Variants in MYO15B observed in about 807,000 individuals in gnomAD.
MYO15B encodes the protein myosin XVB pseudogene.
Under a neutral mutation model 119.3 loss-of-function variants are expected in MYO15B, and 207 were observed. That is an observed-to-expected ratio of 1.73 (90% CI 1.55 to 1.95). The LOEUF is 1.95. MYO15B is among the 30% of genes most tolerant of loss of function. The pLI is 0.00. For missense variants in MYO15B, 2,264 were observed against 1,203.1 expected (o/e 1.88, Z -13.04); for synonymous variants, 966 against 498.9 (o/e 1.94, Z -12.48).
At chr17:75,602,859 G>T in exon 17 of MYO15B, 2 of 651,682 alleles carry the variant, frequency 3.1e-6, no homozygotes, top group Non-Finnish European at 5.5e-6. Context: ...AGGAGGCAGA[G>T]CCCCAGTCCA....
chr17:75,614,192 C>T lies in MYO15B; in HGVS notation c.5220-7C>T, dbSNP rs762575832. On this transcript the variant is annotated splice_polypyrimidine_tract_variant and splice_region_variant and intron_variant, in intron 29 of 63. Transcript: ENST00000645453. ...CCTGCCTCACTGACTGGTCCCCTCC[C>T]ACCCAGAGGCCTGGAGGCGCCTCCC... 1.0e-5 allele frequency: 7 copies of T among 702,236 alleles called. No individual in the cohort carries two copies. Among genetic ancestry groups the T allele is most frequent in the Middle Eastern group, 2.3e-4 (1 of 4,300 alleles). 43.5% of individuals were successfully genotyped at this position (702,236 alleles called of 1,614,324 possible).
chr17:75,621,077 C>T, exon 50 of MYO15B: 1 of 702,856 alleles, frequency 1.4e-6, no homozygotes, highest in African/African-American at 1.7e-5. Context: ...GACTCGGAGG[C>T]CACCAGCCTG....
At position 75,624,882 on chromosome 17, in the gene MYO15B, A is replaced by ATAAC. The variant is rs1333524559; in HGVS notation, c.8656_8659dup (p.Ser2887Ter). ...CACTGGGAGACCCCACTGCACTTCGATAACTCCACCTACATCAGCACCCAC... is the reference window on the plus strand; with the variant it reads ...CACTGGGAGACCCCACTGCACTTCGATAACTAACTCCACCTACATCAGCACCCAC... On this transcript the variant is annotated frameshift_variant, in exon 59 of 64. Coordinates refer to ENST00000645453, the Ensembl canonical transcript of MYO15B. LOFTEE classifies it high-confidence loss of function. 10 of 702,886 alleles carry ATAAC rather than the reference A, an allele frequency of 1.4e-5. No homozygotes were observed. Among genetic ancestry groups the ATAAC allele is most frequent in the African/African-American group, 1.0e-4 (6 of 57,264 alleles). 43.5% of individuals were successfully genotyped at this position (702,886 alleles called of 1,614,324 possible).
exon 1 of MYO15B, chr17:75,588,232 G>A (rs2056187113): frequency 5.0e-6 from 2 of 398,172 alleles, no homozygotes; most frequent in East Asian, 3.6e-5. Context: ...CACCGCCGGG[G>A]GCCAGGGAAC....
At chr17:75,607,427 AATTAATT>A (rs1412942946) in intron 21 of MYO15B, among the ~76,000 whole-genome samples, 108 of 112,158 alleles carry the variant, frequency 9.6e-4, no homozygotes, top group African/African-American at 3.1e-3. Flanking sequence ...GAGGGTTAAT[AATTAATT>A]ATTATTATTA....
chr17:75,625,684 C>T (rs1483505658), intron 61 of MYO15B, 24 bp downstream of exon 61: 1 of 702,644 alleles, frequency 1.4e-6, no homozygotes, highest in Admixed American at 2.0e-5. Flanking sequence ...TAGGGGACCG[C>T]TGGGTGGGGG....
In MYO15B at chr17:75,615,692, G is replaced by A. The variant is rs1452279661; in HGVS notation, c.5839-1G>A. 7.4e-6 allele frequency: 5 copies of A among 677,796 alleles called. No individual in the cohort carries two copies. The highest frequency in any genetic ancestry group is 1.8e-5 in the African/African-American group (1 of 56,782). 42.0% of individuals were successfully genotyped at this position (677,796 alleles called of 1,614,324 possible). ...TGAACTGGCTGCTCCTCCTGCTTCA[G>A]GCCCAGCAGATGACAGCCCAGGCCA... On this transcript the variant is annotated splice_acceptor_variant, in intron 35 of 63. Transcript: ENST00000645453. LOFTEE classifies it high-confidence loss of function.
At position 75,624,196 on chromosome 17, in the gene MYO15B, A is replaced by AG. The variant is rs1306356736; in HGVS notation, c.8295dup (p.His2766AlafsTer19). The AG allele has an allele frequency of 2.8e-6, 2 of 702,974 alleles. No individual in the cohort carries two copies. Among genetic ancestry groups the AG allele is most frequent in the Admixed American group, 2.0e-5 (1 of 50,010 alleles). 43.5% of individuals were successfully genotyped at this position (702,974 alleles called of 1,614,324 possible). On this transcript the variant is annotated frameshift_variant, in exon 56 of 64. Transcript: ENST00000645453. LOFTEE classifies it high-confidence loss of function. ...GCAGAGCTGGCCCGGAGCAGCCAGGAGCACCTCCAGCGCACAGTCAAATAT... is the reference window on the plus strand; with the variant it reads ...GCAGAGCTGGCCCGGAGCAGCCAGGAGGCACCTCCAGCGCACAGTCAAATAT...
chr17:75,623,828 C>T (rs1378272114), exon 54 of MYO15B: 1 of 701,776 alleles, frequency 1.4e-6, no homozygotes, highest in Non-Finnish European at 2.6e-6. Context: ...GCCAGGTTAT[C>T]AAGCAGGTCA....
intron 14 of MYO15B, among the ~76,000 whole-genome samples, chr17:75,597,365 G>C (rs1185976729): frequency 6.6e-6 from 1 of 152,148 alleles, no homozygotes; most frequent in African/African-American, 2.4e-5. Flanking sequence ...TAGCAGCCTC[G>C]TCCCTGTTTC....
exon 51 of MYO15B, chr17:75,621,349 G>A (rs61744583): frequency 0.015 from 10,449 of 700,856 alleles, 610 homozygotes; most frequent in African/African-American, 0.14. Context: ...CCACAGGCTG[G>A]GCCAGACTGA....
At chr17:75,617,786 T>TC (rs1391713897) in intron 41 of MYO15B, 24 bp from the exon 42 acceptor site, 2 of 693,644 alleles carry the variant, frequency 2.9e-6, no homozygotes, top group Non-Finnish European at 2.6e-6. Context: ...TCACTGAGGC[T>TC]CCTCACCCCC....
Position 75,621,575 on chromosome 17 carries a change from G to A in MYO15B, c.8005+5G>A, listed in dbSNP as rs1239739124. The A allele has an allele frequency of 4.3e-6, 3 of 700,514 alleles. No homozygotes were observed. Among genetic ancestry groups the A allele is most frequent in the Admixed American group, 4.0e-5 (2 of 49,948 alleles). 43.4% of individuals were successfully genotyped at this position (700,514 alleles called of 1,614,324 possible). ...TGGCTGTAGCCAGCTTCCTGGGTGA[G>A]TGGCCACAGGCATCCTGGGTCCCCA... On this transcript the variant is annotated splice_donor_5th_base_variant and intron_variant, in intron 52 of 63. Transcript: ENST00000645453.
intron 14 of MYO15B, 97 bp from the exon 15 acceptor site, chr17:75,601,341 G>A (rs2057269712): frequency 1.6e-6 from 1 of 632,872 alleles, no homozygotes; most frequent in South Asian, 1.7e-5. Context: ...TACCCTTATA[G>A]TCAGTGTAGG....
chr17:75,598,422 C>T (rs2057014223), intron 14 of MYO15B, among the ~76,000 whole-genome samples: 1 of 148,572 alleles, frequency 6.7e-6, no homozygotes, highest in African/African-American at 2.5e-5. Flanking sequence ...ACTAAAAATA[C>T]AAAAAATTAG....
chr17:75,623,053 C>A lies in MYO15B; in HGVS notation c.8083-728C>A, dbSNP rs538392924. On this transcript the variant is annotated intron_variant, in intron 53 of 63. Coordinates refer to ENST00000645453, the Ensembl canonical transcript of MYO15B. ...AGTAAGAGATCAGAGAAGCAGGGGC[C>A]GGGCGCGGCGGCTCCCGCCTGTAAC... is the stretch of plus-strand genomic sequence containing the variant. Among the ~76,000 whole-genome samples, 283 of 152,144 alleles carry A rather than the reference C, an allele frequency of 1.9e-3. 2 individuals carry two copies. The highest frequency in any genetic ancestry group is 6.2e-3 in the African/African-American group (259 of 41,496).
chr17:75,602,548 A>T (rs1371873934), exon 16 of MYO15B: 1 of 699,382 alleles, frequency 1.4e-6, no homozygotes. Context: ...AACCGGGATC[A>T]GCTGGACCCT....
intron 23 of MYO15B, among the ~76,000 whole-genome samples, chr17:75,611,339 A>G (rs927797773): frequency 6.6e-6 from 1 of 151,940 alleles, no homozygotes; most frequent in African/African-American, 2.4e-5. Context: ...GCACATGCCT[A>G]TAGTCTCAGC....
chr17:75,619,848 T>C, intron 46 of MYO15B, 31 bp from the exon 47 acceptor site: 1 of 701,874 alleles, frequency 1.4e-6, no homozygotes. Flanking sequence ...GGTGGCAAGG[T>C]GACCTCAGTT....
Sources: allele counts gnomAD v4.1 joint callset (sites outside exome capture counted in the v4.1 genomes callset), GRCh38; gene constraint gnomAD v4.1.1; transcripts MANE v1.5; gene names NCBI Gene and HGNC (gene_info 2026-07-23, HGNC 2026-07-21).